Variants in DHRS7B observed in about 807,000 individuals in gnomAD.
DHRS7B encodes peroxisomal reductase activating PPAR-gamma.
DHRS7B carries 24 observed loss-of-function variants against 26.4 expected under a neutral mutation model. The observed-to-expected ratio is 0.91, with a 90% CI of 0.66 to 1.28. The LOEUF (loss-of-function observed/expected upper bound fraction) is 1.28. Among genes scored for constraint, DHRS7B ranks in the 50% most tolerant of loss-of-function variants. The pLI, the probability that DHRS7B is intolerant of heterozygous loss-of-function variation, is 0.00. For missense variants in DHRS7B, 368 were observed against 419.4 expected (o/e 0.88, Z 1.07); for synonymous variants, 142 against 166.4 (o/e 0.85, Z 1.13).
Position 21,133,183 on chromosome 17 carries a change from A to T in DHRS7B, c.20+6192A>T, listed in dbSNP as rs137936755. On this transcript the variant is annotated intron_variant, in intron 1 of 6. Coordinates refer to ENST00000395511, the MANE Select transcript of DHRS7B (RefSeq NM_015510.5). ...TATTTTTCCTTTTCAATAGCCATGT[A>T]TGGTACTGTGAACCCAGAAAATCTG... Among the ~76,000 whole-genome samples the T allele has an allele frequency of 3.5e-3, 530 of 152,330 alleles. 3 individuals are homozygous for T. The highest frequency in any genetic ancestry group is 0.012 in the African/African-American group (505 of 41,578).
intron 1 of DHRS7B, among the ~76,000 whole-genome samples, chr17:21,151,049 G>T (rs1724953726): frequency 6.6e-6 from 1 of 152,206 alleles, no homozygotes; most frequent in South Asian, 2.1e-4. Context: ...ATACATCGTA[G>T]TCAAACTGTT....
intron 1 of DHRS7B, among the ~76,000 whole-genome samples, chr17:21,161,322 T>G (rs1973996272): frequency 6.6e-6 from 1 of 152,234 alleles, no homozygotes; most frequent in African/African-American, 2.4e-5. Flanking sequence ...GGAACTCTAC[T>G]TTCCGCTCAG....
intron 1 of DHRS7B, among the ~76,000 whole-genome samples, chr17:21,143,307 C>T (rs1040406382): frequency 6.6e-6 from 1 of 152,212 alleles, no homozygotes; most frequent in Non-Finnish European, 1.5e-5. Flanking sequence ...AAGTGATCTG[C>T]AGCCTTGGCC....
At position 21,190,963 on chromosome 17, in the gene DHRS7B, C is replaced by G; in HGVS notation, c.788C>G (p.Thr263Arg). 1 of 1,614,240 alleles carries G rather than the reference C, an allele frequency of 6.2e-7. No individual in the cohort carries two copies. Among genetic ancestry groups the G allele is most frequent in the Non-Finnish European group, 8.5e-7 (1 of 1,180,038 alleles). ...GSRYGVMDTT[T>R]AQGRSPVEVA... ...TTTATTTTAGTTATGGACACCACCA[C>G]AGCCCAGGGCCGAAGCCCTGTGGAG... is the stretch of plus-strand genomic sequence containing the variant. Residue 263 changes from threonine to arginine, a missense_variant, in exon 7 of 7, where the codon ACA becomes AGA. Transcript: ENST00000395511.
At chr17:21,186,523 A>G (rs1366218152) in intron 5 of DHRS7B, among the ~76,000 whole-genome samples, 2 of 152,226 alleles carry the variant, frequency 1.3e-5, no homozygotes, top group Non-Finnish European at 1.5e-5. Context: ...CCCCAAACCA[A>G]TGGAGCAGGC....
chr17:21,127,704 A>G (rs1408247426), intron 1 of DHRS7B: 2 of 152,274 alleles, frequency 1.3e-5, no homozygotes, highest in African/African-American at 4.8e-5. Flanking sequence ...CATAGTAGGT[A>G]TTCAACAAAT....
intron 1 of DHRS7B, chr17:21,168,756 CGGCCCG>C (rs1287455326): frequency 4.1e-6 from 4 of 985,348 alleles, no homozygotes; most frequent in Admixed American, 6.1e-5. Context: ...CCACAGACAG[CGGCCCG>C]GGCCAAGGAT....
intron 2 of DHRS7B, 60 bp downstream of exon 2, chr17:21,172,256 G>T: frequency 1.3e-6 from 2 of 1,550,194 alleles, no homozygotes; most frequent in Non-Finnish European, 1.7e-6. Flanking sequence ...GATGAGGAGC[G>T]GCCCAGCTGC....
chr17:21,157,605 A>C (rs1973909227), intron 1 of DHRS7B, among the ~76,000 whole-genome samples: 1 of 152,146 alleles, frequency 6.6e-6, no homozygotes, highest in Non-Finnish European at 1.5e-5. Context: ...AAGGTGGGAG[A>C]ACTGCTTGAG....
At chr17:21,166,313 T>A in intron 1 of DHRS7B, 3 of 985,422 alleles carry the variant, frequency 3.0e-6, no homozygotes, top group Non-Finnish European at 3.6e-6. Context: ...AGCTGAAGGC[T>A]GGCTTCTGAA....
At chr17:21,157,185 A>C (rs909694744) in intron 1 of DHRS7B, among the ~76,000 whole-genome samples, 1 of 152,240 alleles carries the variant, frequency 6.6e-6, no homozygotes, top group African/African-American at 2.4e-5. Context: ...AGGAGGTAGA[A>C]GCAGAGAGAA....
intron 2 of DHRS7B, among the ~76,000 whole-genome samples, chr17:21,175,394 A>G (rs1232687289): frequency 6.6e-6 from 1 of 152,130 alleles, no homozygotes; most frequent in Non-Finnish European, 1.5e-5. Flanking sequence ...TGATCCTCTG[A>G]CCCTGCAGTA....
At chr17:21,172,266 C>T in intron 2 of DHRS7B, 70 bp downstream of exon 2, 1 of 1,530,394 alleles carries the variant, frequency 6.5e-7, no homozygotes, top group African/African-American at 1.4e-5. Flanking sequence ...GGCCCAGCTG[C>T]ACAGGGACCA....
intron 1 of DHRS7B, among the ~76,000 whole-genome samples, chr17:21,164,986 T>C (rs1255076636): frequency 6.6e-6 from 1 of 152,250 alleles, no homozygotes; most frequent in Non-Finnish European, 1.5e-5. Flanking sequence ...AAATCCTCTC[T>C]GGGAATTGCC....
At chr17:21,140,538 A>ACACACACACACACAC (rs972677956) in intron 1 of DHRS7B, among the ~76,000 whole-genome samples, 6 of 134,754 alleles carry the variant, frequency 4.5e-5, no homozygotes, top group Admixed American at 2.3e-4. Context: ...ACACACACAC[A>ACACACACACACACAC]CCCTGACACC....
rs1007099443 is a variant in DHRS7B, at chr17:21,188,820, C to T, written c.729C>T (p.Asn243=). 6.2e-7 allele frequency: 1 copy of T among 1,614,206 alleles called. No individual in the cohort carries two copies. Among genetic ancestry groups the T allele is most frequent in the African/African-American group, 1.3e-5 (1 of 75,062 alleles). ...TCAGCCCCGGCTACATCCACACCAA[C>T]CTCTCTGTAAATGCCATCACCGCGG... is the stretch of plus-strand genomic sequence containing the variant. ...TVISPGYIHT[N]LSVNAITADG... is the part of the protein sequence containing the mutation. Residue 243 remains asparagine (N), a synonymous_variant, in exon 6 of 7, where the codon AAC becomes AAT. Transcript: ENST00000395511.
intron 1 of DHRS7B, among the ~76,000 whole-genome samples, chr17:21,143,205 G>A (rs1402875516): frequency 6.6e-6 from 1 of 152,226 alleles, no homozygotes; most frequent in Non-Finnish European, 1.5e-5. Flanking sequence ...GGGATTACAG[G>A]TGTGAGCCAC....
rs572869432 is a variant in DHRS7B, at chr17:21,188,950, T to G, written c.772+87T>G. 4.3e-5 allele frequency: 67 copies of G among 1,552,780 alleles called. No individual in the cohort carries two copies. In the African/African-American group the frequency reaches 8.0e-4, roughly 19 times the overall value. ...TGCTCTTACTTCAGTGATTCTTTGGTCATTTTCATTTGGAAGAGAACTTTT... is the reference window on the plus strand; with the variant it reads ...TGCTCTTACTTCAGTGATTCTTTGGGCATTTTCATTTGGAAGAGAACTTTT... On this transcript the variant is annotated intron_variant, in intron 6 of 6. Coordinates refer to ENST00000395511, the MANE Select transcript of DHRS7B (RefSeq NM_015510.5).
At chr17:21,136,037 G>T in intron 1 of DHRS7B, among the ~76,000 whole-genome samples, 1 of 152,198 alleles carries the variant, frequency 6.6e-6, no homozygotes, top group East Asian at 1.9e-4. Context: ...GGTGACTCAT[G>T]CCTATAATCC....
Sources: allele counts gnomAD v4.1 joint callset (sites outside exome capture counted in the v4.1 genomes callset), GRCh38; gene constraint gnomAD v4.1.1; transcripts MANE v1.5; gene names NCBI Gene and HGNC (gene_info 2026-07-23, HGNC 2026-07-21).